Variants in ZNF410 observed in about 807,000 individuals in gnomAD.
ZNF410 encodes another partner for ARF 1.
In ZNF410, 18 loss-of-function variants were observed where a neutral mutation model predicts 54.8. That is an observed-to-expected ratio of 0.33 (90% CI 0.23 to 0.49). The LOEUF (loss-of-function observed/expected upper bound fraction) is 0.49, where lower values mean the gene tolerates loss of function less well. Among genes scored for constraint, ZNF410 ranks in the 20% least tolerant of loss-of-function variants. The pLI is 0.99. For synonymous variants in ZNF410, 191 were observed against 207.3 expected (o/e 0.92, Z 0.68); for missense variants, 405 against 569.6 (o/e 0.71, Z 2.94).
chr14:73,924,221 C>T (rs2055795861), intron 11 of ZNF410, among the ~76,000 whole-genome samples: 1 of 152,104 alleles, frequency 6.6e-6, no homozygotes, highest in African/African-American at 2.4e-5. Flanking sequence ...ATAAGGAGTG[C>T]GCAACCTAGA....
At chr14:73,895,315 G>C (rs1197484281) in intron 3 of ZNF410, 1 of 152,156 alleles carries the variant, frequency 6.6e-6, no homozygotes, top group African/African-American at 2.4e-5. Context: ...TACACTGTTG[G>C]TGGGAATGTA....
intron 2 of ZNF410, among the ~76,000 whole-genome samples, chr14:73,892,818 C>T (rs1055919112): frequency 1.3e-5 from 2 of 152,154 alleles, no homozygotes; most frequent in African/African-American, 2.4e-5. Context: ...CGGTGGCTCA[C>T]GCCTGTAATC....
intron 10 of ZNF410, chr14:73,922,492 G>T (rs112240879): frequency 4.8e-6 from 1 of 206,806 alleles, no homozygotes; most frequent in African/African-American, 2.3e-5. Context: ...TCCTATTGCA[G>T]TTATGGAAGA....
intron 3 of ZNF410, among the ~76,000 whole-genome samples, chr14:73,894,706 C>T (rs2055286348): frequency 6.6e-6 from 1 of 152,128 alleles, no homozygotes; most frequent in Non-Finnish European, 1.5e-5. Flanking sequence ...AGATTACAGG[C>T]GTGAGCCACT....
At chr14:73,899,961 C>T (rs1213946913) in intron 5 of ZNF410, among the ~76,000 whole-genome samples, 2 of 151,872 alleles carry the variant, frequency 1.3e-5, no homozygotes, top group Admixed American at 6.6e-5. Context: ...TTTGGGAGGC[C>T]GAGGCAGGCA....
Position 73,909,607 on chromosome 14 carries a change from T to G in ZNF410, c.1003+177T>G, listed in dbSNP as rs899842456. The stretch of plus-strand genomic sequence containing the variant: ...GGCCCTTAATTCTTATAATCAAGGT[T>G]GGGGGGGGGACATCTAATTATTATT... On this transcript the variant is annotated intron_variant, in intron 8 of 11. Coordinates refer to ENST00000555044, the MANE Select transcript of ZNF410 (RefSeq NM_021188.3). The G allele has an allele frequency of 7.8e-5, 34 of 438,500 alleles. No individual in the cohort carries two copies. Among genetic ancestry groups the G allele is most frequent in the South Asian group, 1.9e-4 (6 of 32,296 alleles). 27.2% of individuals were successfully genotyped at this position (438,500 alleles called of 1,614,324 possible). A position where few individuals can be genotyped will look rare whatever the true frequency, so the allele number is the denominator to read the frequency against.
At chr14:73,909,655 C>G in intron 8 of ZNF410, 1 of 448,482 alleles carries the variant, frequency 2.2e-6, no homozygotes, top group Non-Finnish European at 4.0e-6. Flanking sequence ...TCTAATAAAG[C>G]CTTCTTTTGA....
intron 8 of ZNF410, among the ~76,000 whole-genome samples, chr14:73,918,316 C>T (rs2055700216): frequency 6.6e-6 from 1 of 152,016 alleles, no homozygotes; most frequent in Non-Finnish European, 1.5e-5. Flanking sequence ...TTGGCCAGGT[C>T]TTGGAACTCC....
chr14:73,932,502 G>GAT lies in ZNF410; in HGVS notation c.*963_*964dup. On this transcript the variant is annotated 3_prime_UTR_variant, in exon 12 of 12. Coordinates refer to ENST00000555044, the MANE Select transcript of ZNF410 (RefSeq NM_021188.3). The stretch of plus-strand genomic sequence containing the variant: ...ATCTGAGAAAATGGCAATAAAAACA[G>GAT]ATACTTCTGAATTTTTCCACAAAGA... 2.2e-6 allele frequency: 1 copy of GAT among 450,770 alleles called. No homozygotes were observed. Among genetic ancestry groups the GAT allele is most frequent in the Non-Finnish European group, 4.4e-6 (1 of 225,638 alleles). The allele number at this position is 450,770 out of a possible 1,614,324, so 27.9% of individuals were successfully genotyped here. A position where few individuals can be genotyped will look rare whatever the true frequency, so the allele number is the denominator to read the frequency against.
rs1406801450 is a variant in ZNF410 at position 73,893,833 on chromosome 14, T to C, written c.70T>C (p.Leu24=). ...GTTTGTTCAGAATACGTCCATCCCA[T>C]TGGGACAGGGGCTTGTAGAATCAGA... is the stretch of plus-strand genomic sequence containing the variant. ...VQFVQNTSIP[L]GQGLVESEAK... The change falls in exon 3 of 12, where the codon TTG becomes CTG. Residue 24 remains leucine, a synonymous_variant. Coordinates refer to ENST00000555044, the MANE Select transcript of ZNF410 (RefSeq NM_021188.3). 4 of 1,613,570 alleles carry C rather than the reference T, an allele frequency of 2.5e-6. No homozygotes were observed. Among genetic ancestry groups the C allele is most frequent in the East Asian group, 4.5e-5 (2 of 44,890 alleles).
At chr14:73,894,157 A>G (rs1473051671) in intron 3 of ZNF410, among the ~76,000 whole-genome samples, 1 of 152,158 alleles carries the variant, frequency 6.6e-6, no homozygotes, top group African/African-American at 2.4e-5. Context: ...AAAAAAGGTC[A>G]GTGCAAAACT....
chr14:73,894,636 A>C (rs1342510597), intron 3 of ZNF410, among the ~76,000 whole-genome samples: 1 of 152,084 alleles, frequency 6.6e-6, no homozygotes, highest in Non-Finnish European at 1.5e-5. Context: ...CATGTTGGCC[A>C]GGCTGGTCTT....
chr14:73,927,165 A>C (rs1361745376), intron 11 of ZNF410: 1 of 253,614 alleles, frequency 3.9e-6, no homozygotes, highest in African/African-American at 2.3e-5. Context: ...GGCTCACTGC[A>C]ACCTCTACCT....
Position 73,909,284 on chromosome 14 carries a change from G to A in ZNF410, c.914-57G>A, listed in dbSNP as rs2055539466. On this transcript the variant is annotated intron_variant, in intron 7 of 11. Transcript: ENST00000555044. Reference sequence around the variant, plus strand: ...TGAATAAAGTTGGTGGGAAAAGAGAGTAACAGGTAATCAGTTCATCAGAAG... The same window carrying A: ...TGAATAAAGTTGGTGGGAAAAGAGAATAACAGGTAATCAGTTCATCAGAAG... 2.1e-6 allele frequency: 3 copies of A among 1,432,336 alleles called. No homozygotes were observed. In the East Asian group the frequency reaches 6.8e-5, roughly 33 times the overall value. 88.7% of individuals were successfully genotyped at this position (1,432,336 alleles called of 1,614,324 possible).
rs1594757210 is a variant in ZNF410, at chr14:73,910,832, A to G, written c.1003+1402A>G. Among the ~76,000 whole-genome samples the G allele has an allele frequency of 2.1e-5, 3 of 141,920 alleles. No homozygotes were observed. The South Asian group carries it at 6.7e-4, about 32-fold the overall frequency. The allele number at this position is 141,920 out of a possible 152,430, so 93.1% of individuals were successfully genotyped here. ...AGTTGTGATTGCGCCACTGCACTGC[A>G]GCCTGGGTGACAGGGCGAGACCCTG... On this transcript the variant is annotated intron_variant, in intron 8 of 11. Transcript: ENST00000555044.
chr14:73,922,400 T>A, intron 10 of ZNF410, 194 bp downstream of exon 10: 1 of 434,034 alleles, frequency 2.3e-6, no homozygotes, highest in Non-Finnish European at 3.8e-6. Flanking sequence ...TTGAAGATAA[T>A]ATAATAAAAG....
rs745348193 is a variant in ZNF410 at position 73,923,445 on chromosome 14, A to T, written c.1321A>T (p.Thr441Ser). Residue 441 changes from threonine to serine, a missense_variant, in exon 11 of 12, where the codon ACA becomes TCA. Thr to Ser is a moderately conservative substitution (Grantham distance 58). Around this residue, in one of 3 missense-constraint regions of ZNF410, gnomAD observed 127 missense variants for 141.3 expected, o/e 0.90. Transcript: ENST00000555044. The part of the protein sequence containing the change: ...PRSLSSVPDV[T>S]HHLVTMQSGR... ...TTCCCTGTCTTCAGTGCCTGATGTG[A>T]CACATCACCTGGTGACCATGCAGTC... 2 of 1,613,986 alleles carry T rather than the reference A, an allele frequency of 1.2e-6. No individual in the cohort carries two copies. The highest frequency in any genetic ancestry group is 8.5e-7 in the Non-Finnish European group (1 of 1,179,940).
At position 73,905,069 on chromosome 14, in the gene ZNF410, G is replaced by A. The variant is rs957898281; in HGVS notation, c.899G>A (p.Arg300Gln). 2 of 1,613,000 alleles carry A rather than the reference G, an allele frequency of 1.2e-6. No individual in the cohort carries two copies. The highest frequency in any genetic ancestry group is 1.7e-6 in the Non-Finnish European group (2 of 1,179,932). ...FTTAGNLKNH[R>Q]RIHTGEKPFL... ...ACAGCTGGAAACCTGAAGAACCACCGGCGCATCCACACAGGTGTGTGCAGC... is the reference window on the plus strand; with the variant it reads ...ACAGCTGGAAACCTGAAGAACCACCAGCGCATCCACACAGGTGTGTGCAGC... Residue 300 changes from arginine (R) to glutamine (Q), a missense_variant, in exon 7 of 12, where the codon CGG (arginine) becomes CAG (glutamine). This residue lies in a region of ZNF410 where 31 missense variants were observed against 85.5 expected (regional missense o/e 0.36). Coordinates refer to ENST00000555044, the MANE Select transcript of ZNF410 (RefSeq NM_021188.3).
chr14:73,908,753 G>T (rs1374772905), intron 7 of ZNF410, among the ~76,000 whole-genome samples: 1 of 152,130 alleles, frequency 6.6e-6, no homozygotes, highest in Non-Finnish European at 1.5e-5. Flanking sequence ...CTGCAACGGA[G>T]CACTTTTTTT....
Sources: gnomAD v4.1 joint callset for allele counts (sites outside exome capture counted in the v4.1 genomes callset) on GRCh38, gnomAD v4.1.1 for gene constraint, gnomAD v4.1.1 regional missense constraint, MANE v1.5 for transcripts, NCBI Gene and HGNC (gene_info 2026-07-23, HGNC 2026-07-21) for gene names.